Variants in KCNIP1 observed in about 807,000 individuals in gnomAD.
The protein encoded by KCNIP1 is A-type potassium channel modulatory protein KCNIP1.
A neutral mutation model predicts 33.0 loss-of-function variants in KCNIP1; 18 were observed. The ratio of observed to expected loss-of-function variants is 0.55; its 90% confidence interval spans 0.38 to 0.81. The LOEUF (loss-of-function observed/expected upper bound fraction) is 0.81, where lower values mean the gene tolerates loss of function less well. Ranked by LOEUF, KCNIP1 falls within the 30% of genes least tolerant of loss-of-function variation. The probability of loss-of-function intolerance (pLI) is 0.00; values close to 1 mark genes in which losing one functional copy is unlikely to be tolerated. For missense variants in KCNIP1, 238 were observed against 271.6 expected, an observed-to-expected ratio of 0.88 and a Z score of 0.87; for synonymous variants, 93 against 98.3, an observed-to-expected ratio of 0.95 and a Z score of 0.32.
intron 1 of KCNIP1, among the ~76,000 whole-genome samples, chr5:170,464,536 A>C (rs961281376): frequency 4.6e-5 from 7 of 152,346 alleles, no homozygotes; most frequent in Non-Finnish European, 7.4e-5. Context: ...GAGTACGGTA[A>C]TATTTATCAT....
At chr5:170,542,488 G>A (rs1756249987) in intron 1 of KCNIP1, among the ~76,000 whole-genome samples, 1 of 152,128 alleles carries the variant, frequency 6.6e-6, no homozygotes, top group African/African-American at 2.4e-5. Flanking sequence ...ACTCAACCCT[G>A]CATGGAAAAG....
At chr5:170,683,886 G>T (rs1762446442) in intron 1 of KCNIP1, among the ~76,000 whole-genome samples, 1 of 134,226 alleles carries the variant, frequency 7.5e-6, no homozygotes. Context: ...ACTATGCCCA[G>T]CTAGTGTATG....
At chr5:170,629,238 G>A (rs1759956201) in intron 1 of KCNIP1, among the ~76,000 whole-genome samples, 2 of 152,222 alleles carry the variant, frequency 1.3e-5, no homozygotes, top group South Asian at 4.1e-4. Context: ...CGGGGTGCAG[G>A]TAGGGCCTGA....
chr5:170,731,761 GAC>G (rs1764211035), intron 5 of KCNIP1, among the ~76,000 whole-genome samples: 1 of 150,228 alleles, frequency 6.7e-6, no homozygotes, highest in Admixed American at 6.6e-5. Flanking sequence ...AGACTAAGGA[GAC>G]ACAACAAATA....
intron 1 of KCNIP1, among the ~76,000 whole-genome samples, chr5:170,441,598 C>A (rs1192613254): frequency 6.6e-6 from 1 of 152,136 alleles, no homozygotes; most frequent in African/African-American, 2.4e-5. Flanking sequence ...GAGCCCACTG[C>A]AGATTTTCCT....
intron 1 of KCNIP1, among the ~76,000 whole-genome samples, chr5:170,602,570 G>A (rs1259284377): frequency 2.6e-5 from 4 of 152,224 alleles, no homozygotes; most frequent in Admixed American, 6.5e-5. Flanking sequence ...GGACCACAGC[G>A]GTGACCACTG....
intron 1 of KCNIP1, among the ~76,000 whole-genome samples, chr5:170,609,958 A>C (rs769044688): frequency 6.6e-6 from 1 of 152,362 alleles, no homozygotes; most frequent in Non-Finnish European, 1.5e-5. Context: ...GAAGCTGGAC[A>C]TAAAGCTAGA....
At chr5:170,448,381 G>A (rs559301282) in intron 1 of KCNIP1, among the ~76,000 whole-genome samples, 5 of 152,292 alleles carry the variant, frequency 3.3e-5, no homozygotes, top group Admixed American at 2.0e-4. Context: ...GTCCTCTTAC[G>A]CCCACATCCC....
chr5:170,511,472 T>C (rs1272362889), intron 1 of KCNIP1, among the ~76,000 whole-genome samples: 7 of 152,250 alleles, frequency 4.6e-5, no homozygotes, highest in Non-Finnish European at 1.0e-4. Flanking sequence ...CGAGCCACCA[T>C]ATCCATGGTC....
intron 1 of KCNIP1, among the ~76,000 whole-genome samples, chr5:170,437,198 C>T (rs1294224029): frequency 6.6e-6 from 1 of 152,134 alleles, no homozygotes; most frequent in Non-Finnish European, 1.5e-5. Context: ...ACTTTCCTTC[C>T]CTGTGGGTCT....
intron 1 of KCNIP1, among the ~76,000 whole-genome samples, chr5:170,660,692 G>A (rs1761450169): frequency 6.6e-6 from 1 of 152,216 alleles, no homozygotes; most frequent in Admixed American, 6.5e-5. Context: ...GGCCCCCAGA[G>A]TCCCACCAAG....
At chr5:170,443,610 T>G (rs1756043274) in intron 1 of KCNIP1, among the ~76,000 whole-genome samples, 1 of 152,312 alleles carries the variant, frequency 6.6e-6, no homozygotes, top group East Asian at 1.9e-4. Flanking sequence ...AGAAAACTTG[T>G]TGTAATAGAT....
intron 1 of KCNIP1, among the ~76,000 whole-genome samples, chr5:170,644,163 C>T (rs1299901491): frequency 6.6e-6 from 1 of 152,200 alleles, no homozygotes; most frequent in Non-Finnish European, 1.5e-5. Context: ...TGATGAGGGA[C>T]TTCAAGTGCC....
At chr5:170,430,978 G>A (rs181291124) in intron 1 of KCNIP1, among the ~76,000 whole-genome samples, 2 of 152,278 alleles carry the variant, frequency 1.3e-5, no homozygotes, top group East Asian at 1.9e-4. Flanking sequence ...GGTCCCACTC[G>A]TAGGAGGGGA....
chr5:170,439,704 G>A (rs1467905549), intron 1 of KCNIP1, among the ~76,000 whole-genome samples: 3 of 152,232 alleles, frequency 2.0e-5, no homozygotes, highest in East Asian at 3.9e-4. Flanking sequence ...TGCAGGAGCA[G>A]GCCTGGCAAG....
intron 1 of KCNIP1, among the ~76,000 whole-genome samples, chr5:170,536,396 C>T (rs1447788190): frequency 6.7e-6 from 1 of 148,700 alleles, no homozygotes; most frequent in Non-Finnish European, 1.5e-5. Context: ...AGACCACATC[C>T]ACTTTGGAAA....
At chr5:170,448,753 C>G (rs1756177557) in intron 1 of KCNIP1, among the ~76,000 whole-genome samples, 1 of 152,208 alleles carries the variant, frequency 6.6e-6, no homozygotes, top group African/African-American at 2.4e-5. Flanking sequence ...TAAAGCCATA[C>G]TTTTCAGTGA....
intron 6 of KCNIP1, 75 bp from the exon 7 acceptor site, chr5:170,733,761 G>A (rs183475036): frequency 8.8e-6 from 11 of 1,248,942 alleles, no homozygotes; most frequent in Admixed American, 5.3e-5. Context: ...CTGAGCTCCA[G>A]CAAGAAAGCA....
intron 1 of KCNIP1, among the ~76,000 whole-genome samples, chr5:170,410,783 G>T (rs530795427): frequency 6.6e-6 from 1 of 152,306 alleles, no homozygotes; most frequent in East Asian, 1.9e-4. Flanking sequence ...AGTGGTGTCT[G>T]AATGAATCTC....
Sources: gnomAD v4.1 joint callset for allele counts (sites outside exome capture counted in the v4.1 genomes callset) on GRCh38, gnomAD v4.1.1 for gene constraint, MANE v1.5 for transcripts, NCBI Gene and HGNC (gene_info 2026-07-23, HGNC 2026-07-21) for gene names.